CHSY3: variants seen among roughly 807,000 people sequenced by gnomAD.
CHSY3 encodes the protein N-acetylgalactosaminyl-proteoglycan 3-beta-glucuronosyltransferase 3.
A neutral mutation model predicts 67.2 loss-of-function variants in CHSY3; 35 were observed. That is an observed-to-expected ratio of 0.52 (90% CI 0.40 to 0.69). CHSY3 has a LOEUF of 0.69. CHSY3 is among the 30% of genes least tolerant of loss of function. CHSY3 has a pLI of 0.00. For missense variants in CHSY3, 1,069 were observed against 1,138.5 expected, an observed-to-expected ratio of 0.94 and a Z score of 0.88; for synonymous variants, 474 against 434.7, an observed-to-expected ratio of 1.09 and a Z score of -1.12.
rs1471629987 is a variant in CHSY3 at position 129,905,262 on chromosome 5, C to A, written c.433C>A (p.Arg145=). The change falls in exon 1 of 3, where the codon CGG becomes AGG. Residue 145 remains arginine (R), a synonymous_variant. Transcript: ENST00000305031. ...GGAGGACGGGGGCGCGGCTGGGCAG[C>A]GGAGAGACGGCCGGCCGGGGAGTAG... ...EEEDGGAAGQ[R]RDGRPGSSHN... 1.4e-6 allele frequency: 2 copies of A among 1,454,858 alleles called. No individual in the cohort carries two copies. The highest frequency in any genetic ancestry group is 2.6e-5 in the East Asian group (1 of 39,012). The allele number at this position is 1,454,858 out of a possible 1,614,324, so 90.1% of individuals were successfully genotyped here.
intron 2 of CHSY3, among the ~76,000 whole-genome samples, chr5:130,168,503 T>C (rs1769811879): frequency 6.6e-6 from 1 of 152,150 alleles, no homozygotes; most frequent in Admixed American, 6.6e-5. Flanking sequence ...CTCTAAGATA[T>C]GTGCCAAATC....
chr5:129,982,755 CTG>C (rs1434785445), intron 2 of CHSY3, among the ~76,000 whole-genome samples: 1 of 151,848 alleles, frequency 6.6e-6, no homozygotes, highest in Non-Finnish European at 1.5e-5. Flanking sequence ...TATATAAACA[CTG>C]AGATAAAATT....
At chr5:130,078,778 T>G (rs941664712) in intron 2 of CHSY3, among the ~76,000 whole-genome samples, 2 of 152,116 alleles carry the variant, frequency 1.3e-5, no homozygotes, top group African/African-American at 4.8e-5. Flanking sequence ...GAACCTTCAG[T>G]GATGCTCAGC....
chr5:129,959,850 T>A (rs1041045171), intron 2 of CHSY3, among the ~76,000 whole-genome samples: 2 of 152,246 alleles, frequency 1.3e-5, no homozygotes, highest in African/African-American at 4.8e-5. Context: ...GATGCGTATC[T>A]TTTTTTACTT....
At chr5:130,141,790 G>T in intron 2 of CHSY3, 1 of 416,714 alleles carries the variant, frequency 2.4e-6, no homozygotes, top group Non-Finnish European at 4.7e-6. Context: ...GAAGAAGGAA[G>T]AATTTCAACA....
intron 2 of CHSY3, chr5:130,001,645 TA>T: frequency 1.3e-6 from 1 of 796,668 alleles, no homozygotes; most frequent in Non-Finnish European, 1.5e-6. Context: ...AGGAGTAGGA[TA>T]ATATGTAGAG....
intron 2 of CHSY3, among the ~76,000 whole-genome samples, chr5:130,082,869 C>A (rs1446891351): frequency 6.6e-6 from 1 of 151,172 alleles, no homozygotes; most frequent in Non-Finnish European, 1.5e-5. Context: ...TGTGTATATA[C>A]ATATATATGT....
At chr5:130,078,913 C>T (rs1394809453) in intron 2 of CHSY3, among the ~76,000 whole-genome samples, 1 of 152,132 alleles carries the variant, frequency 6.6e-6, no homozygotes, top group East Asian at 1.9e-4. Context: ...TATACTCAGT[C>T]TCTCTTTAAT....
In CHSY3 at chr5:129,905,583, G is replaced by A; in HGVS notation, c.754G>A (p.Asp252Asn). ...CAAGTACATGCACGACCACTACCTG[G>A]ACAAGTATGAGTGGTTCATGCGCGC... ...MIKYMHDHYLDKYEWFMRADD... is the reference protein window; with the variant it reads ...MIKYMHDHYLNKYEWFMRADD... Residue 252 changes from aspartate to asparagine, a missense_variant, in exon 1 of 3, where the codon GAC becomes AAC. Physicochemically the swap from Asp to Asn is conservative, Grantham distance 23 (BLOSUM62 1). This residue lies in a region of CHSY3 where 216 missense variants were observed against 311.5 expected (regional missense o/e 0.69). Transcript: ENST00000305031. The A allele has an allele frequency of 6.2e-7, 1 of 1,613,798 alleles. No individual in the cohort carries two copies. Among genetic ancestry groups the A allele is most frequent in the African/African-American group, 1.3e-5 (1 of 75,038 alleles).
chr5:130,145,903 T>C (rs1477478560), intron 2 of CHSY3, among the ~76,000 whole-genome samples: 4 of 152,126 alleles, frequency 2.6e-5, no homozygotes, highest in Non-Finnish European at 5.9e-5. Context: ...CACAATGAGA[T>C]ACTATCTCAT....
intron 2 of CHSY3, among the ~76,000 whole-genome samples, chr5:129,987,449 A>G (rs1174978400): frequency 3.3e-5 from 5 of 152,248 alleles, no homozygotes; most frequent in Admixed American, 3.3e-4. Context: ...TGTAATTAAT[A>G]ACAGGAGATG....
intron 2 of CHSY3, among the ~76,000 whole-genome samples, chr5:130,144,746 A>C (rs1011393560): frequency 5.9e-5 from 9 of 152,344 alleles, no homozygotes; most frequent in African/African-American, 1.9e-4. Flanking sequence ...CCACTGCCTG[A>C]CTTCAAAATA....
At chr5:130,154,319 TA>T (rs1769313247) in intron 2 of CHSY3, among the ~76,000 whole-genome samples, 1 of 152,252 alleles carries the variant, frequency 6.6e-6, no homozygotes, top group South Asian at 2.1e-4. Context: ...GCTTTTCACT[TA>T]ATCTCCTTCA....
intron 2 of CHSY3, among the ~76,000 whole-genome samples, chr5:130,138,360 G>A (rs939407075): frequency 2.0e-5 from 3 of 152,158 alleles, no homozygotes; most frequent in African/African-American, 7.2e-5. Context: ...GGTCATACAG[G>A]GTAGGCAGGC....
chr5:130,100,630 C>T (rs999027182), intron 2 of CHSY3, among the ~76,000 whole-genome samples: 1 of 152,086 alleles, frequency 6.6e-6, no homozygotes, highest in Non-Finnish European at 1.5e-5. Flanking sequence ...ATGTAGCTAT[C>T]ATTAACTGAG....
intron 2 of CHSY3, among the ~76,000 whole-genome samples, chr5:129,984,983 G>A (rs1001309962): frequency 6.6e-6 from 1 of 152,006 alleles, no homozygotes; most frequent in Non-Finnish European, 1.5e-5. Context: ...TATTTATGCT[G>A]TTGATAGTTT....
At chr5:130,004,093 G>A (rs911027333) in intron 2 of CHSY3, among the ~76,000 whole-genome samples, 2 of 152,250 alleles carry the variant, frequency 1.3e-5, no homozygotes, top group African/African-American at 4.8e-5. Context: ...CAGGGTTTAT[G>A]TGATCTTTAA....
Position 130,144,705 on chromosome 5 carries a change from G to A in CHSY3, c.1087-39524G>A, listed in dbSNP as rs373514631. ...CACCAAATAAATAGCCAAAGCAATC[G>A]TGAGAAAAAAAGAACAAAGCTGGAG... On this transcript the variant is annotated intron_variant, in intron 2 of 2. Coordinates refer to ENST00000305031, the MANE Select transcript of CHSY3 (RefSeq NM_175856.5). 7.9e-5 allele frequency among the ~76,000 whole-genome samples: 12 copies of A among 152,062 alleles called. No homozygotes were observed. The South Asian group carries it at 1.2e-3, about 16-fold the overall frequency.
chr5:130,118,749 C>T (rs1050432384), intron 2 of CHSY3, among the ~76,000 whole-genome samples: 1 of 151,622 alleles, frequency 6.6e-6, no homozygotes, highest in Non-Finnish European at 1.5e-5. Flanking sequence ...CTTAGATTAC[C>T]CTCTGTAAAG....
Sources: allele counts gnomAD v4.1 joint callset (sites outside exome capture counted in the v4.1 genomes callset), GRCh38; gene constraint gnomAD v4.1.1; regional missense constraint gnomAD v4.1.1; transcripts MANE v1.5; gene names NCBI Gene and HGNC (gene_info 2026-07-23, HGNC 2026-07-21).